The following OR51B5 variants were observed in gnomAD, a reference collection of about 807,000 sequenced individuals.
OR51B5 encodes olfactory receptor family 51 subfamily B member 5, also known as olfactory receptor 51B5.
For missense variants in OR51B5, 456 were observed against 374.6 expected (o/e 1.22, Z -1.79); for synonymous variants, 186 against 144.8 (o/e 1.28, Z -2.04).
chr11:5,463,442 T>G (rs1490339415), intron 1 of OR51B5, among the ~76,000 whole-genome samples: 1 of 152,236 alleles, frequency 6.6e-6, no homozygotes, highest in Non-Finnish European at 1.5e-5. Context: ...TCGGACCACC[T>G]TGATATATCA....
downstream of OR51B5, chr11:5,340,915 A>G (rs1848883072): frequency 1.3e-5 from 2 of 152,188 alleles, no homozygotes; most frequent in Admixed American, 1.3e-4. Flanking sequence ...GGTTTTATGA[A>G]TGATTGAAAA....
intron 1 of OR51B5, chr11:5,454,465 T>G: frequency 6.7e-7 from 1 of 1,494,408 alleles, no homozygotes; most frequent in Non-Finnish European, 9.1e-7. Flanking sequence ...ATTTTGGCCA[T>G]AGGCTCTCAT....
intron 1 of OR51B5, among the ~76,000 whole-genome samples, chr11:5,428,427 G>C (rs1435011865): frequency 6.6e-6 from 1 of 152,186 alleles, no homozygotes; most frequent in Non-Finnish European, 1.5e-5. Context: ...ATGAGCATAT[G>C]CTGCTGAAAA....
At chr11:5,477,899 T>C (rs12280517) in intron 1 of OR51B5, among the ~76,000 whole-genome samples, 5,051 of 151,984 alleles carry the variant, frequency 0.033, 275 homozygotes, top group African/African-American at 0.11. Flanking sequence ...CACAGCAGTC[T>C]GGGATCAAAC....
rs60075439 is a variant in OR51B5 at position 5,408,805 on chromosome 11, G to A, written n.85-61895C>T. The stretch of plus-strand genomic sequence containing the variant: ...CCTTAATCTCACTTTCTGTAGACAA[G>A]ATTTATGAAGTTATCAAAGGAAAAT... On this transcript the variant is annotated intron_variant and non_coding_transcript_variant, in intron 1 of 4. Coordinates refer to the OR51B5 transcript ENST00000415970. 0.037 allele frequency among the ~76,000 whole-genome samples: 5,648 copies of A among 152,148 alleles called. 510 individuals are homozygous for A. In the East Asian group the frequency reaches 0.4, roughly 11 times the overall value.
intron 1 of OR51B5, chr11:5,456,282 C>T (rs1009556872): frequency 2.0e-5 from 3 of 152,116 alleles, no homozygotes; most frequent in African/African-American, 7.2e-5. Flanking sequence ...ACCTTAATTT[C>T]ACCTTCCTTT....
chr11:5,408,712 C>G (rs1242223493), intron 1 of OR51B5, among the ~76,000 whole-genome samples: 1 of 152,056 alleles, frequency 6.6e-6, no homozygotes, highest in Admixed American at 6.6e-5. Flanking sequence ...AAACAATGTC[C>G]AAGCCTCAAA....
At chr11:5,492,612 G>A (rs1851597026) in intron 1 of OR51B5, among the ~76,000 whole-genome samples, 1 of 152,116 alleles carries the variant, frequency 6.6e-6, no homozygotes, top group African/African-American at 2.4e-5. Flanking sequence ...TCTGACTACA[G>A]AGCAGCATAG....
intron 1 of OR51B5, among the ~76,000 whole-genome samples, chr11:5,356,146 GAGA>G (rs1354699677): frequency 8.5e-5 from 13 of 152,318 alleles, no homozygotes; most frequent in Admixed American, 5.2e-4. Flanking sequence ...GACAAGTTGA[GAGA>G]AGAAGGCTTC....
intron 1 of OR51B5, among the ~76,000 whole-genome samples, chr11:5,363,013 T>C (rs1849308611): frequency 3.3e-5 from 1 of 30,576 alleles, no homozygotes; most frequent in Middle Eastern, 0.017. Flanking sequence ...GATTGGGGCA[T>C]GAAGGTTGAA....
chr11:5,411,106 A>C (rs559212989), intron 1 of OR51B5, among the ~76,000 whole-genome samples: 1 of 152,358 alleles, frequency 6.6e-6, no homozygotes, highest in East Asian at 1.9e-4. Context: ...GTAATGTCCT[A>C]GGACTTTTCA....
At chr11:5,468,329 A>C (rs1268218322) in intron 1 of OR51B5, among the ~76,000 whole-genome samples, 1 of 152,198 alleles carries the variant, frequency 6.6e-6, no homozygotes, top group Non-Finnish European at 1.5e-5. Context: ...TTGCGTTACA[A>C]GTTGTAGCCT....
intron 1 of OR51B5, among the ~76,000 whole-genome samples, chr11:5,428,746 G>A (rs767534561): frequency 1.3e-4 from 20 of 152,198 alleles, no homozygotes; most frequent in Admixed American, 5.2e-4. Flanking sequence ...CTAACCATAA[G>A]AGAATTTAGT....
At chr11:5,469,866 G>C (rs1018753011) in intron 1 of OR51B5, among the ~76,000 whole-genome samples, 3 of 152,132 alleles carry the variant, frequency 2.0e-5, no homozygotes, top group African/African-American at 7.2e-5. Flanking sequence ...TCTGTCTTGT[G>C]CAAGTGATGA....
chr11:5,394,655 G>A (rs1849841451), intron 1 of OR51B5, among the ~76,000 whole-genome samples: 1 of 152,162 alleles, frequency 6.6e-6, no homozygotes, highest in African/African-American at 2.4e-5. Context: ...CTTTGTACAT[G>A]TTTTCCCCTC....
chr11:5,390,469 A>T (rs1428097944), intron 1 of OR51B5: 3 of 1,182,378 alleles, frequency 2.5e-6, no homozygotes, highest in Non-Finnish European at 3.5e-6. Flanking sequence ...GCATGCTCTT[A>T]AAGATTTTTT....
In OR51B5 at chr11:5,503,516, A is replaced by G. The variant is rs558760216; in HGVS notation, n.84+2053T>C. On this transcript the variant is annotated intron_variant and non_coding_transcript_variant, in intron 1 of 4. Coordinates refer to the OR51B5 transcript ENST00000415970. Reference sequence around the variant, plus strand: ...CCTCAACATGTTCCAATTTATAATAAAAAGCCAATCAAAATCTCATTTGGC... The same window carrying G: ...CCTCAACATGTTCCAATTTATAATAGAAAGCCAATCAAAATCTCATTTGGC... Among the ~76,000 whole-genome samples, 35 of 152,372 alleles carry G rather than the reference A, an allele frequency of 2.3e-4. 1 individual carries two copies. The highest frequency in any genetic ancestry group is 8.4e-4 in the African/African-American group (35 of 41,592).
chr11:5,431,281 G>A (rs761908675), intron 1 of OR51B5: 22 of 313,000 alleles, frequency 7.0e-5, no homozygotes, highest in Non-Finnish European at 1.2e-4. Context: ...GCAGGAGAAG[G>A]TGTGAATGAA....
intron 1 of OR51B5, chr11:5,440,548 C>CT (rs1353299169): frequency 1.3e-6 from 2 of 1,575,386 alleles, no homozygotes; most frequent in African/African-American, 2.7e-5. Flanking sequence ...TCCAAAGGAG[C>CT]TTTTGGGGCC....
Sources: allele counts gnomAD v4.1 joint callset (sites outside exome capture counted in the v4.1 genomes callset), GRCh38; gene constraint gnomAD v4.1.1; transcripts MANE v1.5; gene names NCBI Gene and HGNC (gene_info 2026-07-23, HGNC 2026-07-21).